MDGA2: variants seen among roughly 807,000 people sequenced by gnomAD.
MDGA2 encodes the protein MAM domain-containing glycosylphosphatidylinositol anchor protein 2.
In MDGA2, 40 loss-of-function variants were observed where a neutral mutation model predicts 117.8. The observed-to-expected ratio is 0.34, with a 90% CI of 0.26 to 0.44. The LOEUF (loss-of-function observed/expected upper bound fraction) is 0.44, where lower values mean the gene tolerates loss of function less well. Ranked by LOEUF, MDGA2 falls within the 20% of genes least tolerant of loss-of-function variation. The pLI is 1.00. For synonymous variants in MDGA2, 452 were observed against 439.0 expected (o/e 1.03, Z -0.37); for missense variants, 1,123 against 1,250.6 (o/e 0.90, Z 1.54).
chr14:46,845,063 T>A (rs1055355516), intron 16 of MDGA2, among the ~76,000 whole-genome samples: 2 of 152,102 alleles, frequency 1.3e-5, no homozygotes, highest in African/African-American at 4.8e-5. Context: ...TTTGTATTTT[T>A]AAATAGAGAC....
chr14:47,269,066 A>G (rs956878404), intron 2 of MDGA2, among the ~76,000 whole-genome samples: 2 of 152,170 alleles, frequency 1.3e-5, no homozygotes, highest in Non-Finnish European at 2.9e-5. Context: ...GGATTGAGGA[A>G]GGCTCCAATG....
Position 47,243,696 on chromosome 14 carries a change from A to G in MDGA2, c.421-25501T>C, listed in dbSNP as rs1390063475. ...GAAACTCCGAACAGATCTGAACATC[A>G]GAAGGGAGAGACTCCAGACGCGCCA... On this transcript the variant is annotated intron_variant, in intron 2 of 16. Transcript: ENST00000399232. 1.3e-5 allele frequency among the ~76,000 whole-genome samples: 2 copies of G among 151,628 alleles called. 1 individual carries two copies. Among genetic ancestry groups the G allele is most frequent in the African/African-American group, 4.8e-5 (2 of 41,392 alleles).
intron 1 of MDGA2, among the ~76,000 whole-genome samples, chr14:47,404,939 CTT>C (rs1892230339): frequency 6.6e-6 from 1 of 152,124 alleles, no homozygotes. Context: ...ATCATAAAGA[CTT>C]TACCCATGAA....
intron 6 of MDGA2, among the ~76,000 whole-genome samples, chr14:47,070,605 T>TTTTA (rs887088463): frequency 6.6e-6 from 1 of 151,924 alleles, no homozygotes; most frequent in Non-Finnish European, 1.5e-5. Flanking sequence ...TTTTTTATTA[T>TTTTA]TTTATTTATT....
intron 1 of MDGA2, among the ~76,000 whole-genome samples, chr14:47,419,976 GA>G (rs1203684099): frequency 6.6e-6 from 1 of 151,996 alleles, no homozygotes; most frequent in Non-Finnish European, 1.5e-5. Context: ...CTTGTAGTGT[GA>G]ATAAAAGCTA....
chr14:47,328,007 T>C (rs1193052521), intron 1 of MDGA2, among the ~76,000 whole-genome samples: 1 of 152,126 alleles, frequency 6.6e-6, no homozygotes, highest in Non-Finnish European at 1.5e-5. Context: ...TCTTACACAT[T>C]TTCTTTGTGT....
intron 10 of MDGA2, among the ~76,000 whole-genome samples, chr14:46,891,795 T>A (rs566473877): frequency 6.6e-6 from 1 of 151,500 alleles, no homozygotes; most frequent in Non-Finnish European, 1.5e-5. Flanking sequence ...TTCCTTATTA[T>A]TGGATTTTTT....
chr14:47,081,297 T>A (rs958622580), intron 6 of MDGA2, among the ~76,000 whole-genome samples: 1 of 152,154 alleles, frequency 6.6e-6, no homozygotes. Context: ...AGTCTACAGA[T>A]GATGAAACGG....
intron 9 of MDGA2, among the ~76,000 whole-genome samples, chr14:46,938,537 T>A (rs1884869641): frequency 4.8e-5 from 1 of 20,742 alleles, no homozygotes; most frequent in Non-Finnish European, 1.1e-4. Flanking sequence ...CGAAAATCCA[T>A]CTCAAAAAAA....
intron 1 of MDGA2, among the ~76,000 whole-genome samples, chr14:47,324,873 A>G (rs1890098113): frequency 6.6e-6 from 1 of 152,144 alleles, no homozygotes; most frequent in Non-Finnish European, 1.5e-5. Flanking sequence ...AGAGAGAGAG[A>G]TAAGGCAGTT....
At position 47,131,804 on chromosome 14, in the gene MDGA2, C is replaced by G; in HGVS notation, c.835G>C (p.Asp279His). The G allele has an allele frequency of 1.9e-6, 3 of 1,593,654 alleles. No homozygotes were observed. Among genetic ancestry groups the G allele is most frequent in the Non-Finnish European group, 2.6e-6 (3 of 1,165,004 alleles). ...ILKLKNLRPQ[D>H]YANYSCIASV... The stretch of plus-strand genomic sequence containing the variant: ...GCAATGCAGCTATAATTAGCATAGT[C>G]CTGAGGTCGAAGATTCTTTAGTTTT... The change falls in exon 5 of 17, where the codon GAC (aspartate) becomes CAC (histidine). Residue 279 changes from aspartate to histidine, a missense_variant. Around this residue, in one of 2 missense-constraint regions of MDGA2, gnomAD observed 890 missense variants for 1,050.3 expected, o/e 0.85. Transcript: ENST00000399232.
intron 3 of MDGA2, among the ~76,000 whole-genome samples, chr14:47,167,538 A>C (rs1883936077): frequency 6.6e-6 from 1 of 152,160 alleles, no homozygotes; most frequent in Non-Finnish European, 1.5e-5. Context: ...CACAAGAGAC[A>C]AAGTTACAAA....
chr14:47,335,341 T>C lies in MDGA2; in HGVS notation c.281-33791A>G, dbSNP rs555892753. Among the ~76,000 whole-genome samples the C allele has an allele frequency of 1.1e-4, 16 of 147,024 alleles. No individual in the cohort carries two copies. In the East Asian group the frequency reaches 3.3e-3, roughly 30 times the overall value. On this transcript the variant is annotated intron_variant, in intron 1 of 16. Coordinates refer to ENST00000399232, the MANE Select transcript of MDGA2 (RefSeq NM_001113498.3). ...TTGAGGGGTTGCAATTTTAAATAGA[T>C]TGGGTCAGGGAATACTTTCCTGAAA... is the stretch of plus-strand genomic sequence containing the variant.
chr14:46,986,199 C>T (rs1260548717), intron 8 of MDGA2, among the ~76,000 whole-genome samples: 3 of 151,978 alleles, frequency 2.0e-5, no homozygotes, highest in African/African-American at 7.2e-5. Flanking sequence ...TAACAGATGG[C>T]ACAAATATAT....
intron 2 of MDGA2, among the ~76,000 whole-genome samples, chr14:47,274,857 A>T (rs1888260541): frequency 6.6e-6 from 1 of 152,146 alleles, no homozygotes; most frequent in Admixed American, 6.6e-5. Context: ...GAACACTTGC[A>T]TATCTTCTTT....
chr14:47,167,196 T>C (rs145857891), intron 3 of MDGA2, among the ~76,000 whole-genome samples: 1 of 152,262 alleles, frequency 6.6e-6, no homozygotes, highest in African/African-American at 2.4e-5. Flanking sequence ...CAGACTATTA[T>C]TGCTGAAGTT....
intron 4 of MDGA2, among the ~76,000 whole-genome samples, chr14:47,141,817 C>T (rs1882731132): frequency 6.6e-6 from 1 of 152,112 alleles, no homozygotes; most frequent in South Asian, 2.1e-4. Flanking sequence ...AATAAGTTGA[C>T]TATTTAACAA....
intron 3 of MDGA2, among the ~76,000 whole-genome samples, chr14:47,185,363 A>T (rs1884868963): frequency 6.6e-6 from 1 of 151,486 alleles, no homozygotes; most frequent in Admixed American, 6.6e-5. Context: ...ATCTTAATTA[A>T]TCCTAAAAGC....
At chr14:46,993,814 T>C (rs950069767) in intron 8 of MDGA2, among the ~76,000 whole-genome samples, 2 of 152,156 alleles carry the variant, frequency 1.3e-5, no homozygotes, top group Admixed American at 1.3e-4. Flanking sequence ...TTATTTAATC[T>C]TTCTGCTTTA....
Sources: allele counts gnomAD v4.1 joint callset (sites outside exome capture counted in the v4.1 genomes callset), GRCh38; gene constraint gnomAD v4.1.1; regional missense constraint gnomAD v4.1.1; transcripts MANE v1.5; gene names NCBI Gene and HGNC (gene_info 2026-07-23, HGNC 2026-07-21).